TUBGCP3: variants seen among roughly 807,000 people sequenced by gnomAD.
TUBGCP3 encodes tubulin gamma complex component 3, also known as gamma-tubulin complex component 3.
A neutral mutation model predicts 123.1 loss-of-function variants in TUBGCP3; 50 were observed. The ratio of observed to expected loss-of-function variants is 0.41; its 90% CI spans 0.32 to 0.51. TUBGCP3 has a LOEUF of 0.51. Among genes scored for constraint, TUBGCP3 ranks in the 20% least tolerant of loss-of-function variants. The pLI is 0.36. For synonymous variants in TUBGCP3, 405 were observed against 413.9 expected, an observed-to-expected ratio of 0.98 and a Z score of 0.26; for missense variants, 882 against 1,127.0, an observed-to-expected ratio of 0.78 and a Z score of 3.11.
Position 112,547,567 on chromosome 13 carries a change from C to T in TUBGCP3, c.1168+53G>A, listed in dbSNP as rs1879143532. ...GAAAGTCGCGCGTGGGAAAGTCGCG[C>T]GTGGGAAAGTCGCGCGTGGGAAAGA... On this transcript the variant is annotated intron_variant, in intron 10 of 21. Transcript: ENST00000261965. 1.0e-5 allele frequency: 14 copies of T among 1,352,906 alleles called. No individual in the cohort carries two copies. In the Admixed American group the frequency reaches 1.1e-4, roughly 10 times the overall value. The allele number at this position is 1,352,906 out of a possible 1,614,324, so 83.8% of individuals were successfully genotyped here.
chr13:112,543,366 T>C (rs1044124413), intron 11 of TUBGCP3, among the ~76,000 whole-genome samples: 2 of 152,154 alleles, frequency 1.3e-5, no homozygotes, highest in African/African-American at 4.8e-5. Context: ...TAAAAGAAAG[T>C]TCATACAACA....
intron 19 of TUBGCP3, among the ~76,000 whole-genome samples, chr13:112,501,814 C>G (rs764523763): frequency 2.0e-5 from 3 of 152,148 alleles, no homozygotes; most frequent in Non-Finnish European, 1.5e-5. Context: ...CACGTGAAGA[C>G]CCCGCTTCCC....
intron 1 of TUBGCP3, among the ~76,000 whole-genome samples, chr13:112,581,195 C>T (rs938586347): frequency 2.5e-4 from 38 of 152,138 alleles, no homozygotes; most frequent in African/African-American, 9.2e-4. Context: ...ACTCACACCC[C>T]CCCATCTTTC....
chr13:112,597,063 G>C, the TUBGCP3 span, among the ~76,000 whole-genome samples: 1 of 152,214 alleles, frequency 6.6e-6, no homozygotes, highest in African/African-American at 2.4e-5. Context: ...CAGAAGAAAT[G>C]GCTGGGATAC....
chr13:112,539,758 G>A (rs1878349779), intron 11 of TUBGCP3, among the ~76,000 whole-genome samples: 1 of 152,216 alleles, frequency 6.6e-6, no homozygotes, highest in Admixed American at 6.5e-5. Context: ...AAGGATACCT[G>A]GGAATGACGA....
chr13:112,586,008 G>A (rs966172761), intron 1 of TUBGCP3, among the ~76,000 whole-genome samples: 19 of 151,990 alleles, frequency 1.3e-4, no homozygotes, highest in African/African-American at 4.1e-4. Flanking sequence ...GGGAGGCCGA[G>A]GCGGGTGCAT....
intron 3 of TUBGCP3, 61 bp downstream of exon 3, chr13:112,565,050 C>T: frequency 1.4e-6 from 2 of 1,436,432 alleles, no homozygotes; most frequent in Non-Finnish European, 1.9e-6. Flanking sequence ...TCAAAGGTTC[C>T]TATACCACTC....
intron 18 of TUBGCP3, 127 bp downstream of exon 18, chr13:112,504,499 A>G (rs1042129658): frequency 3.2e-5 from 21 of 662,474 alleles, no homozygotes; most frequent in Non-Finnish European, 3.9e-5. Flanking sequence ...AAAAAAAAAA[A>G]AGAAAAAATT....
intron 2 of TUBGCP3, among the ~76,000 whole-genome samples, chr13:112,566,499 A>C (rs1361670395): frequency 6.6e-6 from 1 of 152,254 alleles, no homozygotes; most frequent in African/African-American, 2.4e-5. Flanking sequence ...CAGAGATTAC[A>C]TAATCTAATC....
At chr13:112,498,862 T>A in intron 20 of TUBGCP3, 183 bp downstream of exon 20, 1 of 1,608,474 alleles carries the variant, frequency 6.2e-7, no homozygotes. Flanking sequence ...ATGATGCCAG[T>A]GAGGGTGGCC....
chr13:112,581,171 C>T (rs1164523051), intron 1 of TUBGCP3, among the ~76,000 whole-genome samples: 1 of 152,112 alleles, frequency 6.6e-6, no homozygotes, highest in African/African-American at 2.4e-5. Flanking sequence ...CTCTCTTCTC[C>T]ACATCCTCTA....
Position 112,527,426 on chromosome 13 carries a change from G to C in TUBGCP3, c.1394C>G (p.Thr465Ser). 1 of 1,607,510 alleles carries C rather than the reference G, an allele frequency of 6.2e-7. No homozygotes were observed. ...KTDRLWHDKY[T>S]LRKSMIPSFM... The stretch of plus-strand genomic sequence containing the variant: ...CGAAGGAATCATCGATTTCCTCAAA[G>C]TATACTTGTCGTGCCACAGTCGATC... The change falls in exon 12 of 22, where the codon ACT becomes AGT. Residue 465 changes from threonine to serine, a missense_variant. Transcript: ENST00000261965.
At chr13:112,591,075 C>T (rs1484552174), upstream of TUBGCP3, among the ~76,000 whole-genome samples, 2 of 152,184 alleles carry the variant, frequency 1.3e-5, no homozygotes, top group African/African-American at 4.8e-5. Flanking sequence ...GAAGCAAAAA[C>T]TCAAGGAACA....
chr13:112,603,838 GAGA>G, the TUBGCP3 span: 1 of 152,352 alleles, frequency 6.6e-6, no homozygotes, highest in Admixed American at 6.5e-5. Context: ...AAGGAAAGCA[GAGA>G]AGGAGGAAGG....
chr13:112,555,069 T>G (rs1879915420), intron 6 of TUBGCP3, 64 bp from the exon 7 acceptor site: 2 of 1,030,356 alleles, frequency 1.9e-6, no homozygotes, highest in African/African-American at 1.6e-5. Context: ...ATAGATATTA[T>G]GGTGCAATTA....
At chr13:112,544,459 A>AAAAAAG (rs1414306698) in intron 11 of TUBGCP3, 2 of 150,560 alleles carry the variant, frequency 1.3e-5, no homozygotes, top group African/African-American at 4.9e-5. Context: ...TCTCAAAAAA[A>AAAAAAG]AAAAAAAAAA....
At chr13:112,521,884 G>C (rs1199676359) in intron 14 of TUBGCP3, 1 of 983,320 alleles carries the variant, frequency 1.0e-6, no homozygotes, top group African/African-American at 1.7e-5. Flanking sequence ...AAGATGCCAT[G>C]AGAAATGTCA....
At chr13:112,569,820 G>A (rs72658011) in intron 1 of TUBGCP3, among the ~76,000 whole-genome samples, 23,005 of 152,180 alleles carry the variant, frequency 0.15, 2,073 homozygotes, top group Non-Finnish European at 0.21. Context: ...AAAGGAATCA[G>A]AGAGAAGTCA....
At chr13:112,490,583 GA>G (rs1348742954) in intron 20 of TUBGCP3, among the ~76,000 whole-genome samples, 1 of 152,208 alleles carries the variant, frequency 6.6e-6, no homozygotes, top group Non-Finnish European at 1.5e-5. Context: ...CAAATATGGT[GA>G]ATTATATTAC....
Sources: gnomAD v4.1 joint callset for allele counts (sites outside exome capture counted in the v4.1 genomes callset) on GRCh38, gnomAD v4.1.1 for gene constraint, MANE v1.5 for transcripts, NCBI Gene and HGNC (gene_info 2026-07-23, HGNC 2026-07-21) for gene names.